SLC22A4: variants seen among roughly 807,000 people sequenced by gnomAD.
The protein encoded by SLC22A4 is solute carrier family 22 member 4, also known as ET transporter.
In SLC22A4, 39 loss-of-function variants were observed where a neutral mutation model predicts 56.6. The observed-to-expected ratio is 0.69, with a 90% CI of 0.53 to 0.90. SLC22A4 has a LOEUF of 0.90. Among genes scored for constraint, SLC22A4 ranks in the 40% least tolerant of loss-of-function variants. The pLI is 0.00. For missense variants in SLC22A4, 594 were observed against 696.5 expected, an observed-to-expected ratio of 0.85 and a Z score of 1.66; for synonymous variants, 241 against 281.4, an observed-to-expected ratio of 0.86 and a Z score of 1.44.
In SLC22A4 at chr5:132,294,804, G is replaced by T. The variant is rs567991307; in HGVS notation, c.188G>T (p.Arg63Leu). 3 of 1,612,802 alleles carry T rather than the reference G, an allele frequency of 1.9e-6. No individual in the cohort carries two copies. The highest frequency in any genetic ancestry group is 2.5e-6 in the Non-Finnish European group (3 of 1,179,944). The change falls in exon 1 of 10, where the codon CGC becomes CTC. Residue 63 changes from arginine (R) to leucine (L), a missense_variant. Coordinates refer to ENST00000200652, the MANE Select transcript of SLC22A4 (RefSeq NM_003059.3). The surrounding 1 kb of genome is among the most constrained non-coding windows in gnomAD (Gnocchi z 5.6). ...GCCGCGAACCTGAGCAGCGCCTGGCGCAACAACAGTGTCCCGCTGCGGCTG... is the reference window on the plus strand; with the variant it reads ...GCCGCGAACCTGAGCAGCGCCTGGCTCAACAACAGTGTCCCGCTGCGGCTG... ...PDAANLSSAW[R>L]NNSVPLRLRD...
chr5:132,316,329 C>A (rs1236664048), intron 3 of SLC22A4, among the ~76,000 whole-genome samples: 1 of 152,150 alleles, frequency 6.6e-6, no homozygotes, highest in Non-Finnish European at 1.5e-5. Flanking sequence ...GCAGACATGC[C>A]TGGAAGTGAT....
rs2073838 is a variant in SLC22A4 at position 132,313,529 on chromosome 5, G to A, written c.498-85G>A. On this transcript the variant is annotated intron_variant, in intron 2 of 9. Coordinates refer to ENST00000200652, the MANE Select transcript of SLC22A4 (RefSeq NM_003059.3). ...TGCCAGAGCCCTGAAAAAACACTAA[G>A]TCTGCATTGATGCCTGACTCAGGGC... 0.079 allele frequency: 97,798 copies of A among 1,244,976 alleles called. 5,114 individuals are homozygous for A. The highest frequency in any genetic ancestry group is 0.29 in the East Asian group (12,514 of 43,140). 77.1% of individuals were successfully genotyped at this position (1,244,976 alleles called of 1,614,324 possible). A position where few individuals can be genotyped will look rare whatever the true frequency, so the allele number is the denominator to read the frequency against.
intron 6 of SLC22A4, among the ~76,000 whole-genome samples, chr5:132,333,319 T>G (rs1413978977): frequency 6.6e-6 from 1 of 152,138 alleles, no homozygotes; most frequent in African/African-American, 2.4e-5. Flanking sequence ...AAAGCTAGCT[T>G]AGGGAGAAAG....
At chr5:132,343,150 T>C (rs1217885507) in intron 9 of SLC22A4, among the ~76,000 whole-genome samples, 2 of 152,218 alleles carry the variant, frequency 1.3e-5, no homozygotes, top group Non-Finnish European at 2.9e-5. Flanking sequence ...CAGTATCTTT[T>C]TATGACACCA....
At position 132,306,595 on chromosome 5, in the gene SLC22A4, G is replaced by A. The variant is rs549125784; in HGVS notation, c.394-5566G>A. On this transcript the variant is annotated intron_variant, in intron 1 of 9. Coordinates refer to ENST00000200652, the MANE Select transcript of SLC22A4 (RefSeq NM_003059.3). ...CAAGTAGCTGGGATTACAGGCACGT[G>A]CCACCGTGCCCAGCTAATTTTTGCA... Among the ~76,000 whole-genome samples the A allele has an allele frequency of 1.0e-4, 15 of 150,566 alleles. No individual in the cohort carries two copies. The South Asian group carries it at 3.2e-3, about 32-fold the overall frequency.
At chr5:132,309,296 G>GA (rs1401003499) in intron 1 of SLC22A4, among the ~76,000 whole-genome samples, 1 of 152,198 alleles carries the variant, frequency 6.6e-6, no homozygotes, top group East Asian at 1.9e-4. Context: ...CCCCAAAGGA[G>GA]AGCCCAGCCC....
intron 6 of SLC22A4, among the ~76,000 whole-genome samples, chr5:132,333,284 T>G (rs1307553285): frequency 6.6e-6 from 1 of 152,200 alleles, no homozygotes; most frequent in African/African-American, 2.4e-5. Flanking sequence ...CAAAGTCTGA[T>G]GTAAGGAAAG....
At chr5:132,334,089 A>G (rs777050783) in intron 6 of SLC22A4, among the ~76,000 whole-genome samples, 5 of 152,182 alleles carry the variant, frequency 3.3e-5, no homozygotes, top group Non-Finnish European at 7.4e-5. Flanking sequence ...GATTTCAGGC[A>G]TGAGCCACCA....
At chr5:132,316,862 T>A in intron 3 of SLC22A4, among the ~76,000 whole-genome samples, 1 of 152,238 alleles carries the variant, frequency 6.6e-6, no homozygotes. Context: ...TGTCTTCGCC[T>A]GTTTAGGATG....
Position 132,343,763 on chromosome 5 carries a change from C to A in SLC22A4, c.1584C>A (p.Phe528Leu). ...TTAGCATCTATTTTATTTTCAGGTT[C>A]AGATCTGGGAAAAAAACAAGAGACT... is the stretch of plus-strand genomic sequence containing the variant. ...TLEQMQKVKW[F>L]RSGKKTRDSM... is the part of the protein sequence containing the mutation. Residue 528 changes from phenylalanine to leucine, a missense_variant, in exon 10 of 10, where the codon TTC (phenylalanine) becomes TTA (leucine). Phe to Leu is a conservative substitution (Grantham distance 22). Coordinates refer to ENST00000200652, the MANE Select transcript of SLC22A4 (RefSeq NM_003059.3). The A allele has an allele frequency of 6.3e-7, 1 of 1,592,268 alleles. No individual in the cohort carries two copies. Among genetic ancestry groups the A allele is most frequent in the Non-Finnish European group, 8.6e-7 (1 of 1,160,716 alleles).
intron 6 of SLC22A4, among the ~76,000 whole-genome samples, chr5:132,334,156 A>T (rs1040935455): frequency 1.3e-5 from 2 of 152,216 alleles, no homozygotes; most frequent in Non-Finnish European, 2.9e-5. Context: ...CAGAATATAC[A>T]GACTGCAGTC....
intron 5 of SLC22A4, among the ~76,000 whole-genome samples, chr5:132,330,519 A>G (rs1750824579): frequency 6.6e-6 from 1 of 152,196 alleles, no homozygotes. Context: ...TGAAGTCAGG[A>G]GTTTGAGACC....
intron 1 of SLC22A4, among the ~76,000 whole-genome samples, chr5:132,305,456 G>A (rs1750004740): frequency 6.6e-6 from 1 of 152,078 alleles, no homozygotes; most frequent in African/African-American, 2.4e-5. Flanking sequence ...CAAATAGAAT[G>A]ATCACAAAGA....
chr5:132,307,073 T>G (rs1409553388), intron 1 of SLC22A4, among the ~76,000 whole-genome samples: 2 of 152,230 alleles, frequency 1.3e-5, no homozygotes, highest in African/African-American at 4.8e-5. Flanking sequence ...AATGATTGAT[T>G]TGTATACTTT....
At chr5:132,335,381 C>T (rs553750247) in intron 7 of SLC22A4, among the ~76,000 whole-genome samples, 2 of 152,274 alleles carry the variant, frequency 1.3e-5, no homozygotes, top group South Asian at 2.1e-4. Context: ...CTTCCCTTTT[C>T]CCCTTGTGTC....
At position 132,294,420 on chromosome 5, in the gene SLC22A4, G is replaced by C; in HGVS notation, c.-197G>C. 1 of 684,734 alleles carries C rather than the reference G, an allele frequency of 1.5e-6. No individual in the cohort carries two copies. Among genetic ancestry groups the C allele is most frequent in the South Asian group, 1.8e-5 (1 of 55,376 alleles). The allele number at this position is 684,734 out of a possible 1,614,324, so 42.4% of individuals were successfully genotyped here. On this transcript the variant is annotated 5_prime_UTR_variant, in exon 1 of 10. Coordinates refer to ENST00000200652, the MANE Select transcript of SLC22A4 (RefSeq NM_003059.3). The surrounding 1 kb of genome is among the most constrained non-coding windows in gnomAD (Gnocchi z 5.6). ...AGTGTACAGTGGCATCAAGCTCAGC[G>C]CGAGCTCCCGGGAACGCTCCAACGC...
chr5:132,328,883 GTA>G (rs1561544658), intron 5 of SLC22A4, among the ~76,000 whole-genome samples: 1 of 96,810 alleles, frequency 1.0e-5, no homozygotes, highest in Non-Finnish European at 2.3e-5. Flanking sequence ...ATATAAATGT[GTA>G]TATATATGTG....
In SLC22A4 at chr5:132,335,851, T is replaced by C. The variant is rs889321160; in HGVS notation, c.1295T>C (p.Leu432Pro). 3.1e-6 allele frequency: 5 copies of C among 1,614,192 alleles called. No individual in the cohort carries two copies. The South Asian group carries it at 3.3e-5, about 11-fold the overall frequency. Reference sequence around the variant, plus strand: ...TTCTTATCCATTGGTCTGGTCATGCTGGGAAAATTTGGGATCACCTCTGCT... The same window carrying C: ...TTCTTATCCATTGGTCTGGTCATGCCGGGAAAATTTGGGATCACCTCTGCT... Reference protein sequence around the residue: ...YYFLSIGLVMLGKFGITSAFS... With the variant: ...YYFLSIGLVMPGKFGITSAFS... Residue 432 changes from leucine (L) to proline (P), a missense_variant, in exon 8 of 10, where the codon CTG (leucine) becomes CCG (proline). Transcript: ENST00000200652.
intron 3 of SLC22A4, among the ~76,000 whole-genome samples, chr5:132,317,094 T>C (rs973810962): frequency 1.3e-5 from 2 of 152,146 alleles, no homozygotes; most frequent in African/African-American, 4.8e-5. Flanking sequence ...GAGTGAGCCA[T>C]AGAGAGCTCA....
Sources: allele counts gnomAD v4.1 joint callset (sites outside exome capture counted in the v4.1 genomes callset), GRCh38; gene constraint gnomAD v4.1.1; non-coding constraint Gnocchi (gnomAD v3.1); transcripts MANE v1.5; gene names NCBI Gene and HGNC (gene_info 2026-07-23, HGNC 2026-07-21).